Variants in MAP2K4 observed in about 807,000 individuals in gnomAD.
MAP2K4 encodes dual specificity mitogen-activated protein kinase kinase 4.
Under a neutral mutation model 48.5 loss-of-function variants are expected in MAP2K4, and 4 were observed. That is an observed-to-expected ratio of 0.08 (90% CI 0.04 to 0.19). The LOEUF (loss-of-function observed/expected upper bound fraction) is 0.19. Ranked by LOEUF, MAP2K4 falls within the 10% of genes least tolerant of loss-of-function variation. The probability of loss-of-function intolerance (pLI) is 1.00; values close to 1 mark genes in which losing one functional copy is unlikely to be tolerated. For synonymous variants in MAP2K4, 166 were observed against 173.1 expected (o/e 0.96, Z 0.32); for missense variants, 258 against 493.3 (o/e 0.52, Z 4.52).
chr17:12,081,679 G>T lies in MAP2K4; in HGVS notation c.393+149G>T. On this transcript the variant is annotated intron_variant, in intron 3 of 10. Transcript: ENST00000353533. The surrounding 1 kb of genome is among the most constrained non-coding windows in gnomAD (Gnocchi z 4.2). Reference sequence around the variant, plus strand: ...TCCAACTCCTTTGAGGGTGTTCTGTGTAGAGGTTTCTTATTGGTGGCACAT... The same window carrying T: ...TCCAACTCCTTTGAGGGTGTTCTGTTTAGAGGTTTCTTATTGGTGGCACAT... 4.1e-6 allele frequency: 3 copies of T among 737,674 alleles called. No individual in the cohort carries two copies. The highest frequency in any genetic ancestry group is 1.9e-5 in the South Asian group (1 of 53,486). The allele number at this position is 737,674 out of a possible 1,614,324, so 45.7% of individuals were successfully genotyped here. A position where few individuals can be genotyped will look rare whatever the true frequency, so the allele number is the denominator to read the frequency against.
intron 9 of MAP2K4, among the ~76,000 whole-genome samples, chr17:12,138,396 A>G (rs1218941908): frequency 6.6e-6 from 1 of 152,208 alleles, no homozygotes; most frequent in African/African-American, 2.4e-5. Flanking sequence ...ATTACAATGA[A>G]GTAAGCTAGA....
intron 8 of MAP2K4, among the ~76,000 whole-genome samples, chr17:12,128,179 G>T (rs1181592697): frequency 1.3e-5 from 2 of 152,204 alleles, no homozygotes; most frequent in Non-Finnish European, 2.9e-5. Flanking sequence ...CTGGGTTCAT[G>T]CCATTCCCCT....
At chr17:12,115,864 C>T (rs924829250) in intron 7 of MAP2K4, 6 of 669,832 alleles carry the variant, frequency 9.0e-6, no homozygotes, top group South Asian at 4.2e-5. Context: ...ACTGCATCGT[C>T]GGCACCTTTG....
chr17:12,066,565 T>G (rs538325215), intron 2 of MAP2K4, among the ~76,000 whole-genome samples: 3 of 152,312 alleles, frequency 2.0e-5, no homozygotes, highest in African/African-American at 7.2e-5. Flanking sequence ...ATTTTCTCAC[T>G]CTTGCCCAGG....
chr17:12,120,975 C>T (rs576957039), intron 7 of MAP2K4, among the ~76,000 whole-genome samples: 2 of 152,086 alleles, frequency 1.3e-5, no homozygotes, highest in Admixed American at 6.6e-5. Flanking sequence ...TGTATTGATA[C>T]GTCATATTTT....
intron 1 of MAP2K4, among the ~76,000 whole-genome samples, chr17:12,028,598 A>G (rs1969333865): frequency 6.6e-6 from 1 of 152,100 alleles, no homozygotes; most frequent in Non-Finnish European, 1.5e-5. Flanking sequence ...AGACAAATAG[A>G]CCCTTCATGC....
Position 12,142,510 on chromosome 17 carries a change from G to A in MAP2K4, c.*1250G>A, listed in dbSNP as rs1266966506. ...AGCCCCAAATCTCTCATATTCGCTAGTGTTTAAAAGGCTAAGAATAGTGGG... is the reference window on the plus strand; with the variant it reads ...AGCCCCAAATCTCTCATATTCGCTAATGTTTAAAAGGCTAAGAATAGTGGG... On this transcript the variant is annotated 3_prime_UTR_variant, in exon 11 of 11. Coordinates refer to ENST00000353533, the MANE Select transcript of MAP2K4 (RefSeq NM_003010.4). 2 of 232,956 alleles carry A rather than the reference G, an allele frequency of 8.6e-6. No homozygotes were observed. The highest frequency in any genetic ancestry group is 5.6e-5 in the Admixed American group (1 of 17,778). 14.4% of individuals were successfully genotyped at this position (232,956 alleles called of 1,614,324 possible). A position where few individuals can be genotyped will look rare whatever the true frequency, so the allele number is the denominator to read the frequency against.
At chr17:12,112,537 T>C (rs1322592018) in intron 6 of MAP2K4, among the ~76,000 whole-genome samples, 1 of 151,508 alleles carries the variant, frequency 6.6e-6, no homozygotes, top group Non-Finnish European at 1.5e-5. Context: ...GTTTCGGTCA[T>C]GGTAAGAGAT....
At chr17:12,026,798 C>G (rs1255556656) in intron 1 of MAP2K4, 2 of 152,206 alleles carry the variant, frequency 1.3e-5, no homozygotes, top group African/African-American at 4.8e-5. Context: ...AACCAGCCAC[C>G]TTTTGAGATG....
chr17:12,133,606 ATT>A lies in MAP2K4; in HGVS notation c.1040+4326_1040+4327del, dbSNP rs375757492. Among the ~76,000 whole-genome samples the A allele has an allele frequency of 6.2e-3, 943 of 152,126 alleles. 2 individuals carry two copies. Among genetic ancestry groups the A allele is most frequent in the East Asian group, 0.036 (187 of 5,176 alleles). ...ACTATCTATTGAAATCACCATTGGA[ATT>A]TTTTTTAGGGGAAAAATTCTTTATT... On this transcript the variant is annotated intron_variant, in intron 9 of 10. Transcript: ENST00000353533.
rs570979658 is a variant in MAP2K4, at chr17:12,025,049, T to G, written c.115+4048T>G. ...GAATTCAACAGCTTCTATAATGAAA[T>G]TGCATAGGCAGGATGATTCCTTTTC... On this transcript the variant is annotated intron_variant, in intron 1 of 10. Transcript: ENST00000353533. 7.9e-5 allele frequency among the ~76,000 whole-genome samples: 12 copies of G among 152,362 alleles called. No homozygotes were observed. The East Asian group carries it at 2.3e-3, about 29-fold the overall frequency.
chr17:12,048,544 G>T (rs552803120), intron 1 of MAP2K4, among the ~76,000 whole-genome samples: 3 of 152,222 alleles, frequency 2.0e-5, no homozygotes, highest in East Asian at 3.9e-4. Flanking sequence ...GATTGCCAGT[G>T]GGGGGAGATA....
intron 1 of MAP2K4, among the ~76,000 whole-genome samples, chr17:12,039,101 A>G (rs1354498783): frequency 1.3e-5 from 2 of 152,204 alleles, no homozygotes; most frequent in African/African-American, 2.4e-5. Flanking sequence ...ACTAGGGAAA[A>G]CGATGTTTAG....
At chr17:12,043,011 C>T (rs943283712) in intron 1 of MAP2K4, among the ~76,000 whole-genome samples, 4 of 151,578 alleles carry the variant, frequency 2.6e-5, no homozygotes, top group Non-Finnish European at 4.4e-5. Flanking sequence ...TGTGCCACTG[C>T]ACCCCAGCCT....
intron 2 of MAP2K4, among the ~76,000 whole-genome samples, chr17:12,063,029 AT>A (rs1339205094): frequency 1.3e-5 from 2 of 151,728 alleles, no homozygotes; most frequent in Admixed American, 1.3e-4. Context: ...ATTTATTATT[AT>A]TTTATTCATC....
chr17:12,115,753 T>A, intron 7 of MAP2K4: 1 of 764,954 alleles, frequency 1.3e-6, no homozygotes, highest in Non-Finnish European at 2.4e-6. Flanking sequence ...CCTGTGTAAT[T>A]ATGCAAAAGA....
At chr17:12,091,305 C>T (rs1052856480) in intron 3 of MAP2K4, among the ~76,000 whole-genome samples, 1 of 152,176 alleles carries the variant, frequency 6.6e-6, no homozygotes, top group Non-Finnish European at 1.5e-5. Context: ...AGCAGCCTTT[C>T]AACAACTTGG....
chr17:12,033,248 T>C (rs1329259206), intron 1 of MAP2K4, among the ~76,000 whole-genome samples: 1 of 152,190 alleles, frequency 6.6e-6, no homozygotes, highest in Non-Finnish European at 1.5e-5. Context: ...AAATATGATA[T>C]AAGTCGTTTT....
chr17:12,106,470 C>T (rs1972115612), intron 4 of MAP2K4, among the ~76,000 whole-genome samples: 1 of 152,014 alleles, frequency 6.6e-6, no homozygotes, highest in Non-Finnish European at 1.5e-5. Context: ...GCATGGCAAA[C>T]GTTGATAGAA....
Sources: gnomAD v4.1 joint callset for allele counts (sites outside exome capture counted in the v4.1 genomes callset) on GRCh38, gnomAD v4.1.1 for gene constraint, Gnocchi (gnomAD v3.1) non-coding constraint, MANE v1.5 for transcripts, NCBI Gene and HGNC (gene_info 2026-07-23, HGNC 2026-07-21) for gene names.